The following PLXNA4 variants were observed in gnomAD, a reference collection of about 807,000 sequenced individuals.
PLXNA4 encodes the protein plexin A4.
PLXNA4 carries 44 observed loss-of-function variants against 191.8 expected under a neutral mutation model. The ratio of observed to expected loss-of-function variants is 0.23; its 90% CI spans 0.18 to 0.29. The LOEUF is 0.29. PLXNA4 is among the 10% of genes least tolerant of loss of function. The pLI, the probability that PLXNA4 is intolerant of heterozygous loss-of-function variation, is 1.00. For missense variants in PLXNA4, 1,800 were observed against 2,488.8 expected, an observed-to-expected ratio of 0.72 and a Z score of 5.89; for synonymous variants, 1,082 against 1,009.5, an observed-to-expected ratio of 1.07 and a Z score of -1.36.
chr7:132,420,938 C>T (rs1466344272), intron 3 of PLXNA4, among the ~76,000 whole-genome samples: 1 of 152,218 alleles, frequency 6.6e-6, no homozygotes, highest in Non-Finnish European at 1.5e-5. Context: ...CCATGTGGAA[C>T]TGTAAGTCCA....
intron 2 of PLXNA4, among the ~76,000 whole-genome samples, chr7:132,595,177 C>G (rs1802686214): frequency 6.6e-6 from 1 of 152,044 alleles, no homozygotes; most frequent in Non-Finnish European, 1.5e-5. Context: ...TACCACTTCC[C>G]CATCTTCCCA....
intron 4 of PLXNA4, among the ~76,000 whole-genome samples, chr7:132,260,698 G>T (rs143658006): frequency 1.3e-5 from 2 of 152,044 alleles, no homozygotes; most frequent in South Asian, 2.1e-4. Context: ...AGGATCTGTG[G>T]TTTTCAGGGG....
intron 9 of PLXNA4, among the ~76,000 whole-genome samples, chr7:132,217,056 C>T (rs952717325): frequency 1.3e-5 from 2 of 152,154 alleles, no homozygotes; most frequent in Admixed American, 6.5e-5. Flanking sequence ...GGCAGCAGCT[C>T]GAGGCACAAG....
rs10225220 is a variant in PLXNA4, at chr7:132,255,015, G to A, written c.1504-13849C>T. On this transcript the variant is annotated intron_variant, in intron 4 of 31. Coordinates refer to ENST00000321063, the MANE Select transcript of PLXNA4 (RefSeq NM_020911.2). ...AGGGGGGGTGGCCTGGGGGAAGGCC[G>A]GGAGTCTCAGCCACCCTATTTCTGT... Among the ~76,000 whole-genome samples, 653 of 152,202 alleles carry A rather than the reference G, an allele frequency of 4.3e-3. 2 individuals carry two copies. The highest frequency in any genetic ancestry group is 9.8e-3 in the African/African-American group (408 of 41,510).
intron 2 of PLXNA4, among the ~76,000 whole-genome samples, chr7:132,611,634 A>G (rs1005825154): frequency 3.3e-5 from 5 of 152,230 alleles, no homozygotes; most frequent in Admixed American, 6.5e-5. Flanking sequence ...GCTACACACA[A>G]ATCTCCCCAT....
At chr7:132,345,272 G>A (rs776958001) in intron 3 of PLXNA4, among the ~76,000 whole-genome samples, 1 of 152,100 alleles carries the variant, frequency 6.6e-6, no homozygotes, top group Non-Finnish European at 1.5e-5. Flanking sequence ...CTGTTAAATC[G>A]ACACTCCAAA....
At chr7:132,574,862 C>T (rs893516192) in intron 1 of PLXNA4, among the ~76,000 whole-genome samples, 1 of 152,222 alleles carries the variant, frequency 6.6e-6, no homozygotes, top group Non-Finnish European at 1.5e-5. Flanking sequence ...AACCCAAATT[C>T]TGAGCCTAGC....
chr7:132,205,760 CTGA>C (rs1797596256), intron 10 of PLXNA4, among the ~76,000 whole-genome samples: 11 of 152,196 alleles, frequency 7.2e-5, no homozygotes, highest in Non-Finnish European at 2.9e-5. Context: ...AGGAGGGATG[CTGA>C]CAGTGGCTAT....
intron 3 of PLXNA4, among the ~76,000 whole-genome samples, chr7:132,305,903 C>T (rs1458780119): frequency 2.0e-5 from 3 of 152,250 alleles, no homozygotes; most frequent in East Asian, 1.9e-4. Flanking sequence ...TCTACACCTT[C>T]GAGATTTGGG....
At chr7:132,387,646 C>T (rs1368414649) in intron 3 of PLXNA4, among the ~76,000 whole-genome samples, 1 of 152,156 alleles carries the variant, frequency 6.6e-6, no homozygotes, top group Non-Finnish European at 1.5e-5. Flanking sequence ...GGGTGAGAGA[C>T]ATTTATGAAT....
chr7:132,178,829 TACACATACACATATATACACAC>T (rs1562901173), intron 20 of PLXNA4, among the ~76,000 whole-genome samples: 7 of 92,932 alleles, frequency 7.5e-5, no homozygotes, highest in Admixed American at 1.2e-4. Context: ...ATGAAACACA[TACACATACACATATATACACAC>T]ACACACACAC....
At chr7:132,612,989 A>G (rs1277343697) in intron 2 of PLXNA4, among the ~76,000 whole-genome samples, 1 of 151,934 alleles carries the variant, frequency 6.6e-6, no homozygotes, top group African/African-American at 2.4e-5. Flanking sequence ...CACTATGAGA[A>G]AAAAAAAACG....
upstream of PLXNA4, among the ~76,000 whole-genome samples, chr7:132,577,667 G>C (rs1176160295): frequency 6.6e-6 from 1 of 152,160 alleles, no homozygotes; most frequent in Non-Finnish European, 1.5e-5. Flanking sequence ...GGCGATGTGG[G>C]GCGGAGAGAG....
At chr7:132,507,484 G>T (rs753210655) in intron 2 of PLXNA4, 22 bp downstream of exon 2, 4 of 1,584,142 alleles carry the variant, frequency 2.5e-6, no homozygotes, top group Non-Finnish European at 1.7e-6. Context: ...CCATCCCAGC[G>T]CGCAGCCCTC....
intron 1 of PLXNA4, among the ~76,000 whole-genome samples, chr7:132,552,277 A>G (rs2116578921): frequency 6.6e-6 from 1 of 152,260 alleles, no homozygotes; most frequent in Middle Eastern, 3.4e-3. Context: ...TGACTCCTAG[A>G]CCTTGTTTTA....
At chr7:132,499,427 A>G (rs1798158638) in intron 2 of PLXNA4, among the ~76,000 whole-genome samples, 1 of 152,240 alleles carries the variant, frequency 6.6e-6, no homozygotes, top group Admixed American at 6.5e-5. Flanking sequence ...TGCGAATGGT[A>G]ACAACCAAAA....
intron 3 of PLXNA4, among the ~76,000 whole-genome samples, chr7:132,417,507 T>TA: frequency 6.6e-6 from 1 of 152,352 alleles, no homozygotes; most frequent in East Asian, 1.9e-4. Context: ...GGTAATGCTT[T>TA]AGTTCACAAA....
intron 3 of PLXNA4, among the ~76,000 whole-genome samples, chr7:132,380,621 G>GAC (rs1804853927): frequency 1.3e-5 from 2 of 152,182 alleles, no homozygotes; most frequent in Non-Finnish European, 2.9e-5. Flanking sequence ...GTCCTCCACA[G>GAC]AGAGGCAGAA....
In PLXNA4 at chr7:132,164,272, G is replaced by C. The variant is rs1796033953; in HGVS notation, c.4370C>G (p.Pro1457Arg). 6.2e-7 allele frequency: 1 copy of C among 1,614,024 alleles called. No homozygotes were observed. Among genetic ancestry groups the C allele is most frequent in the African/African-American group, 1.3e-5 (1 of 74,924 alleles). ...GATGGCACAGAACAGGGAGAAGAGG[G>C]GCTCCCCAGCACACTCCTGGAGGTG... ...YKFLKECAGE[P>R]LFSLFCAIKQ... Residue 1457 changes from proline (P) to arginine (R), a missense_variant, in exon 24 of 32, where the codon CCC becomes CGC. Physicochemically the swap from Pro to Arg is moderately radical, Grantham distance 103 (BLOSUM62 -2). Around this residue, in one of 6 missense-constraint regions of PLXNA4, gnomAD observed 214 missense variants for 298.2 expected, o/e 0.72. Coordinates refer to ENST00000321063, the MANE Select transcript of PLXNA4 (RefSeq NM_020911.2).
Sources: allele counts gnomAD v4.1 joint callset (sites outside exome capture counted in the v4.1 genomes callset), GRCh38; gene constraint gnomAD v4.1.1; regional missense constraint gnomAD v4.1.1; transcripts MANE v1.5; gene names NCBI Gene and HGNC (gene_info 2026-07-23, HGNC 2026-07-21).